Variants in LURAP1L observed in about 807,000 individuals in gnomAD.
LURAP1L encodes leucine rich adaptor protein 1 like, also known as leucine rich adaptor protein 1-like.
LURAP1L carries 12 observed loss-of-function variants against 13.8 expected under a neutral mutation model. The observed-to-expected ratio is 0.87, with a 90% CI of 0.56 to 1.41. The LOEUF is 1.41. Ranked by LOEUF, LURAP1L falls within the 40% of genes most tolerant of loss-of-function variation. The pLI, the probability that LURAP1L is intolerant of heterozygous loss-of-function variation, is 0.00. For missense variants in LURAP1L, 375 were observed against 292.9 expected (o/e 1.28, Z -2.04); for synonymous variants, 139 against 119.2 (o/e 1.17, Z -1.08).
intron 1 of LURAP1L, among the ~76,000 whole-genome samples, chr9:12,802,203 C>G (rs536540756): frequency 6.6e-6 from 1 of 152,240 alleles, no homozygotes; most frequent in African/African-American, 2.4e-5. Context: ...GCCTGAGATG[C>G]TAATAAAGCC....
At chr9:12,812,842 T>C (rs1316868504) in intron 1 of LURAP1L, among the ~76,000 whole-genome samples, 1 of 152,150 alleles carries the variant, frequency 6.6e-6, no homozygotes, top group Non-Finnish European at 1.5e-5. Context: ...TACAAAAGCA[T>C]AAATGTTCAA....
At chr9:12,798,817 T>C (rs190204534) in intron 1 of LURAP1L, among the ~76,000 whole-genome samples, 2 of 152,310 alleles carry the variant, frequency 1.3e-5, no homozygotes, top group East Asian at 3.9e-4. Context: ...TATGGTTGTA[T>C]TTCTGTATCA....
At chr9:12,815,775 A>T (rs1819797102) in intron 1 of LURAP1L, among the ~76,000 whole-genome samples, 1 of 152,336 alleles carries the variant, frequency 6.6e-6, no homozygotes, top group Admixed American at 6.5e-5. Flanking sequence ...TTTGGAAGAT[A>T]TATTCAGCAG....
intron 1 of LURAP1L, among the ~76,000 whole-genome samples, chr9:12,784,876 C>G (rs1187381179): frequency 6.6e-6 from 1 of 150,502 alleles, no homozygotes; most frequent in Admixed American, 6.6e-5. Context: ...CTACTTGGTG[C>G]TTTATTTTAC....
Position 12,798,615 on chromosome 9 carries a change from G to A in LURAP1L, c.312+22588G>A, listed in dbSNP as rs150598207. 9.9e-5 allele frequency among the ~76,000 whole-genome samples: 15 copies of A among 152,176 alleles called. No homozygotes were observed. In the East Asian group the frequency reaches 2.9e-3, roughly 29 times the overall value. On this transcript the variant is annotated intron_variant, in intron 1 of 1. Transcript: ENST00000319264. ...ATCTGCTTTTATCACCCTCATTTGT[G>A]GTCCTTCAAAGCTAGAAGTGATGAA...
intron 1 of LURAP1L, among the ~76,000 whole-genome samples, chr9:12,794,889 T>C (rs921757909): frequency 1.3e-5 from 2 of 151,844 alleles, no homozygotes; most frequent in African/African-American, 2.4e-5. Flanking sequence ...GTAATACAGA[T>C]GATGTGGAAG....
At chr9:12,817,539 G>T (rs1459679768) in intron 1 of LURAP1L, among the ~76,000 whole-genome samples, 1 of 152,162 alleles carries the variant, frequency 6.6e-6, no homozygotes, top group Non-Finnish European at 1.5e-5. Context: ...CAAGGCATGG[G>T]TATTGCATAT....
chr9:12,807,665 T>C (rs1586884868), intron 1 of LURAP1L, among the ~76,000 whole-genome samples: 1 of 152,220 alleles, frequency 6.6e-6, no homozygotes, highest in East Asian at 1.9e-4. Flanking sequence ...ATTTAGACTA[T>C]TCACATTTAA....
chr9:12,808,144 C>A (rs567460119), intron 1 of LURAP1L, among the ~76,000 whole-genome samples: 10 of 134,584 alleles, frequency 7.4e-5, no homozygotes, highest in South Asian at 2.3e-4. Flanking sequence ...ATTTTACCTT[C>A]TTTTTTTCTT....
At chr9:12,776,495 G>A (rs957189195) in intron 1 of LURAP1L, among the ~76,000 whole-genome samples, 15 of 152,034 alleles carry the variant, frequency 9.9e-5, no homozygotes, top group Non-Finnish European at 1.9e-4. Context: ...CAGGGTCCTT[G>A]CAGCCTTTCC....
chr9:12,811,041 A>C (rs750789185), intron 1 of LURAP1L, among the ~76,000 whole-genome samples: 1 of 152,224 alleles, frequency 6.6e-6, no homozygotes, highest in Non-Finnish European at 1.5e-5. Flanking sequence ...TTATAAAAAA[A>C]ATGTTAACCT....
At chr9:12,778,094 T>C (rs1018571914) in intron 1 of LURAP1L, among the ~76,000 whole-genome samples, 7 of 152,198 alleles carry the variant, frequency 4.6e-5, no homozygotes, top group African/African-American at 1.7e-4. Flanking sequence ...TTGTTGTTGT[T>C]TTTTGGAGAA....
At chr9:12,804,877 G>A (rs1325543044) in intron 1 of LURAP1L, among the ~76,000 whole-genome samples, 1 of 151,950 alleles carries the variant, frequency 6.6e-6, no homozygotes, top group East Asian at 1.9e-4. Flanking sequence ...GGACTCTGGC[G>A]ACTCACTACC....
At chr9:12,802,595 T>G (rs1385249168) in intron 1 of LURAP1L, among the ~76,000 whole-genome samples, 1 of 152,124 alleles carries the variant, frequency 6.6e-6, no homozygotes, top group Non-Finnish European at 1.5e-5. Context: ...ATTAAACCAC[T>G]TTTCTTTACA....
intron 1 of LURAP1L, among the ~76,000 whole-genome samples, chr9:12,808,573 A>G (rs530385930): frequency 1.3e-5 from 2 of 152,194 alleles, no homozygotes; most frequent in Non-Finnish European, 2.9e-5. Flanking sequence ...TCTTGCTTAT[A>G]TGGTTTCTGA....
At chr9:12,812,828 A>G (rs1006672281) in intron 1 of LURAP1L, among the ~76,000 whole-genome samples, 1 of 152,178 alleles carries the variant, frequency 6.6e-6, no homozygotes, top group African/African-American at 2.4e-5. Flanking sequence ...AAAAATTATT[A>G]TAATACAAAA....
chr9:12,809,782 C>T (rs1819711767), intron 1 of LURAP1L, among the ~76,000 whole-genome samples: 1 of 152,140 alleles, frequency 6.6e-6, no homozygotes, highest in African/African-American at 2.4e-5. Context: ...ATTCTGCTTA[C>T]TATTTGCTGT....
At position 12,775,440 on chromosome 9, in the gene LURAP1L, A is replaced by G; in HGVS notation, c.-276A>G. On this transcript the variant is annotated 5_prime_UTR_variant, in exon 1 of 2. Transcript: ENST00000319264. The stretch of plus-strand genomic sequence containing the variant: ...TATCAGTGAACTCAACTTTGCAGTG[A>G]GGTGGCCAAAAAGAGAGAGAATGAG... 2.5e-6 allele frequency: 1 copy of G among 401,644 alleles called. No individual in the cohort carries two copies. Among genetic ancestry groups the G allele is most frequent in the Non-Finnish European group, 4.3e-6 (1 of 230,084 alleles). 24.9% of individuals were successfully genotyped at this position (401,644 alleles called of 1,614,324 possible).
chr9:12,804,971 C>T lies in LURAP1L; in HGVS notation c.313-16415C>T, dbSNP rs562038072. Reference sequence around the variant, plus strand: ...ATTTACCGTGACCACCCATATAAGCCATAAGTTGTAACCAAATTTAAGATT... The same window carrying T: ...ATTTACCGTGACCACCCATATAAGCTATAAGTTGTAACCAAATTTAAGATT... On this transcript the variant is annotated intron_variant, in intron 1 of 1. Coordinates refer to ENST00000319264, the MANE Select transcript of LURAP1L (RefSeq NM_203403.2). Among the ~76,000 whole-genome samples, 4 of 151,972 alleles carry T rather than the reference C, an allele frequency of 2.6e-5. No individual in the cohort carries two copies. The South Asian group carries it at 8.3e-4, about 32-fold the overall frequency.
Sources: gnomAD v4.1 joint callset for allele counts (sites outside exome capture counted in the v4.1 genomes callset) on GRCh38, gnomAD v4.1.1 for gene constraint, MANE v1.5 for transcripts, NCBI Gene and HGNC (gene_info 2026-07-23, HGNC 2026-07-21) for gene names.